Variants in MCTP2 observed in about 807,000 individuals in gnomAD.
MCTP2 encodes multiple C2 and transmembrane domain-containing protein 2.
MCTP2 carries 132 observed loss-of-function variants against 111.6 expected under a neutral mutation model. That is an observed-to-expected ratio of 1.18 (90% CI 1.03 to 1.37). MCTP2 has a LOEUF of 1.37. MCTP2 is among the 40% of genes most tolerant of loss of function. The pLI is 0.00. For synonymous variants in MCTP2, 395 were observed against 387.7 expected (o/e 1.02, Z -0.22); for missense variants, 1,183 against 1,067.9 (o/e 1.11, Z -1.50).
intron 7 of MCTP2, 173 bp downstream of exon 7, chr15:94,341,097 T>G: frequency 1.9e-6 from 1 of 516,454 alleles, no homozygotes; most frequent in Admixed American, 3.3e-5. Context: ...ATGCTCTTCT[T>G]TGAGGAACCG....
intron 17 of MCTP2, among the ~76,000 whole-genome samples, chr15:94,412,997 A>G (rs1322509466): frequency 6.6e-6 from 1 of 152,160 alleles, no homozygotes; most frequent in Non-Finnish European, 1.5e-5. Context: ...TACATTTTTG[A>G]TAATCTACAT....
chr15:94,335,545 ACCATGGGC>A (rs1404559028), intron 4 of MCTP2, among the ~76,000 whole-genome samples: 1 of 152,192 alleles, frequency 6.6e-6, no homozygotes, highest in Non-Finnish European at 1.5e-5. Flanking sequence ...AAAAGACAAA[ACCATGGGC>A]CCTTCATATT....
intron 17 of MCTP2, among the ~76,000 whole-genome samples, chr15:94,426,136 G>C (rs1173229629): frequency 2.0e-5 from 2 of 102,008 alleles, no homozygotes; most frequent in Admixed American, 2.3e-4. Context: ...GAGAGAGAGA[G>C]AGATTGAGAG....
intron 22 of MCTP2, among the ~76,000 whole-genome samples, chr15:94,477,568 G>A (rs117314042): frequency 7.2e-5 from 11 of 152,196 alleles, no homozygotes; most frequent in African/African-American, 1.9e-4. Flanking sequence ...AGACCATGGC[G>A]TGAAATATCA....
chr15:94,474,736 ACAGT>A (rs1187328929), intron 21 of MCTP2, among the ~76,000 whole-genome samples: 1 of 152,200 alleles, frequency 6.6e-6, no homozygotes, highest in Non-Finnish European at 1.5e-5. Flanking sequence ...TTTCCTGTTG[ACAGT>A]CGGTCTCACA....
intron 21 of MCTP2, chr15:94,476,495 T>C: frequency 2.3e-6 from 1 of 428,724 alleles, no homozygotes. Flanking sequence ...TGTGCTTGAC[T>C]TGAGGTCTGG....
Position 94,245,764 on chromosome 15 carries a change from G to A in MCTP2, c.-66+14100G>A, listed in dbSNP as rs1034564299. Among the ~76,000 whole-genome samples, 3 of 149,354 alleles carry A rather than the reference G, an allele frequency of 2.0e-5. No individual in the cohort carries two copies. In the East Asian group the frequency reaches 5.9e-4, roughly 29 times the overall value. On this transcript the variant is annotated intron_variant, in intron 1 of 22. Transcript: ENST00000357742. ...TATAGACAAAAGAGTACCTTTGAAG[G>A]CTTTGGAAGGTGAAACCTAGTCAAT...
chr15:94,245,174 A>T (rs371922735), intron 1 of MCTP2, among the ~76,000 whole-genome samples: 1 of 146,926 alleles, frequency 6.8e-6, no homozygotes, highest in African/African-American at 2.5e-5. Context: ...ATACACATGT[A>T]TAGATTTATA....
intron 4 of MCTP2, among the ~76,000 whole-genome samples, chr15:94,336,675 G>GCA (rs1245716683): frequency 2.9e-5 from 3 of 101,900 alleles, no homozygotes; most frequent in African/African-American, 1.2e-4. Context: ...GTTTTGCTTA[G>GCA]CATATATATA....
At chr15:94,406,773 G>A in intron 17 of MCTP2, among the ~76,000 whole-genome samples, 1 of 151,764 alleles carries the variant, frequency 6.6e-6, no homozygotes, top group East Asian at 1.9e-4. Context: ...TTTAGATGAT[G>A]TAGAGGGATT....
At chr15:94,372,674 TA>T (rs1318993632) in intron 12 of MCTP2, among the ~76,000 whole-genome samples, 1 of 152,086 alleles carries the variant, frequency 6.6e-6, no homozygotes, top group African/African-American at 2.4e-5. Flanking sequence ...ATTTAAGAAA[TA>T]AGTATTTCTA....
chr15:94,363,284 A>G (rs572156663), intron 10 of MCTP2, among the ~76,000 whole-genome samples: 1 of 152,244 alleles, frequency 6.6e-6, no homozygotes, highest in South Asian at 2.1e-4. Flanking sequence ...GTCCTTGGGC[A>G]CTGATGAGCC....
At chr15:94,350,390 C>T (rs538982443) in intron 8 of MCTP2, among the ~76,000 whole-genome samples, 1 of 152,276 alleles carries the variant, frequency 6.6e-6, no homozygotes, top group East Asian at 1.9e-4. Flanking sequence ...GAGTTCAAGA[C>T]CAGCCTCGCC....
At chr15:94,356,032 AT>A in intron 8 of MCTP2, 104 bp from the exon 9 acceptor site, 20 of 1,392,436 alleles carry the variant, frequency 1.4e-5, no homozygotes, top group Admixed American at 2.8e-5. Context: ...GCAGGGAGGA[AT>A]TTTTTTTATA....
chr15:94,358,565 T>G lies in MCTP2; in HGVS notation c.1254T>G (p.Ile418Met), dbSNP rs1274582329. The part of the protein sequence containing the change: ...YFSDRMGILD[I>M]EVWGKDNKKH... ...CTGACAGGATGGGCATTTTGGACAT[T>G]GAAGTGTGGGGAAAGGACAACAAAA... Residue 418 changes from isoleucine (I) to methionine (M), a missense_variant, in exon 10 of 23, where the codon ATT becomes ATG. Ile to Met is a conservative substitution (Grantham distance 10, BLOSUM62 1). Transcript: ENST00000357742. 1.9e-6 allele frequency: 3 copies of G among 1,613,818 alleles called. No homozygotes were observed. Among genetic ancestry groups the G allele is most frequent in the Admixed American group, 3.3e-5 (2 of 59,990 alleles).
chr15:94,467,073 T>TATATGTATA (rs2073404146), intron 20 of MCTP2, among the ~76,000 whole-genome samples: 1 of 152,212 alleles, frequency 6.6e-6, no homozygotes, highest in East Asian at 1.9e-4. Context: ...ATAAATGATT[T>TATATGTATA]ATATGTATAA....
rs117834019 is a variant in MCTP2, at chr15:94,302,352, C to T, written c.465+3622C>T. 2.3e-3 allele frequency among the ~76,000 whole-genome samples: 354 copies of T among 152,276 alleles called. 1 individual carries two copies. Among genetic ancestry groups the T allele is most frequent in the Non-Finnish European group, 4.4e-3 (300 of 68,034 alleles). ...TGAATTCTGCAGTCACCTCCAGGCC[C>T]ACCAGCATCAGCAAAGAAAGTGAAA... On this transcript the variant is annotated intron_variant, in intron 2 of 22. Coordinates refer to ENST00000357742, the MANE Select transcript of MCTP2 (RefSeq NM_001385001.1).
At chr15:94,364,483 A>T (rs920704181) in intron 10 of MCTP2, among the ~76,000 whole-genome samples, 2 of 152,152 alleles carry the variant, frequency 1.3e-5, no homozygotes, top group Non-Finnish European at 2.9e-5. Flanking sequence ...AATCCATTAC[A>T]CTAATGAAAA....
intron 14 of MCTP2, among the ~76,000 whole-genome samples, chr15:94,390,128 A>ATGTG (rs1425481834): frequency 1.5e-5 from 1 of 64,748 alleles, no homozygotes; most frequent in South Asian, 3.8e-4. Flanking sequence ...ATATATATAT[A>ATGTG]TATACTTAGA....
Sources: allele counts gnomAD v4.1 joint callset (sites outside exome capture counted in the v4.1 genomes callset), GRCh38; gene constraint gnomAD v4.1.1; transcripts MANE v1.5; gene names NCBI Gene and HGNC (gene_info 2026-07-23, HGNC 2026-07-21).